RBMS3: variants seen among roughly 807,000 people sequenced by gnomAD.
The protein encoded by RBMS3 is RNA-binding motif, single-stranded-interacting protein 3.
In RBMS3, 27 loss-of-function variants were observed where a neutral mutation model predicts 66.8. The observed-to-expected ratio is 0.40, with a 90% confidence interval of 0.30 to 0.56. RBMS3 has a LOEUF of 0.56. Ranked by LOEUF, RBMS3 falls within the 20% of genes least tolerant of loss-of-function variation. The probability of loss-of-function intolerance (pLI) is 0.40; values close to 1 mark genes in which losing one functional copy is unlikely to be tolerated. For missense variants in RBMS3, 513 were observed against 549.5 expected, an observed-to-expected ratio of 0.93 and a Z score of 0.66; for synonymous variants, 188 against 183.0, an observed-to-expected ratio of 1.03 and a Z score of -0.22.
chr3:29,333,509 G>T (rs139571268), intron 1 of RBMS3, among the ~76,000 whole-genome samples: 22 of 152,260 alleles, frequency 1.4e-4, no homozygotes, highest in Admixed American at 8.5e-4. Context: ...TGAGGGAAAA[G>T]TAAAACAGAA....
At chr3:29,887,476 C>T (rs2059899551) in intron 8 of RBMS3, among the ~76,000 whole-genome samples, 1 of 151,732 alleles carries the variant, frequency 6.6e-6, no homozygotes, top group African/African-American at 2.4e-5. Flanking sequence ...GGCACTGATT[C>T]CTTCCTGCTG....
chr3:29,311,761 T>G (rs1185169533), intron 1 of RBMS3, among the ~76,000 whole-genome samples: 1 of 151,730 alleles, frequency 6.6e-6, no homozygotes, highest in Non-Finnish European at 1.5e-5. Context: ...AAGAGAAGAT[T>G]AGGGGGATTG....
chr3:29,459,002 GA>G (rs1209230466), intron 2 of RBMS3, among the ~76,000 whole-genome samples: 1 of 152,144 alleles, frequency 6.6e-6, no homozygotes, highest in Non-Finnish European at 1.5e-5. Flanking sequence ...GAAATCAAAT[GA>G]AACAGCAATC....
intron 4 of RBMS3, among the ~76,000 whole-genome samples, chr3:29,654,598 A>G (rs1317948814): frequency 7.9e-6 from 1 of 126,180 alleles, no homozygotes; most frequent in Non-Finnish European, 1.7e-5. Flanking sequence ...TGACTTTTAA[A>G]CTTTTTTTTT....
intron 1 of RBMS3, among the ~76,000 whole-genome samples, chr3:29,359,988 A>G (rs2037467553): frequency 6.6e-6 from 1 of 151,952 alleles, no homozygotes; most frequent in Non-Finnish European, 1.5e-5. Flanking sequence ...TGATCTTTTC[A>G]AAAAACCAGC....
At chr3:29,897,518 A>G (rs777794191) in intron 9 of RBMS3, 43 bp downstream of exon 9, 1 of 1,553,356 alleles carries the variant, frequency 6.4e-7, no homozygotes. Context: ...TCTTTCTTGC[A>G]GTAATACAGT....
intron 1 of RBMS3, among the ~76,000 whole-genome samples, chr3:29,380,763 A>G (rs988008037): frequency 6.6e-6 from 1 of 152,200 alleles, no homozygotes; most frequent in Non-Finnish European, 1.5e-5. Flanking sequence ...TCACTAGTCT[A>G]TGATAAATAC....
chr3:29,476,037 TC>T (rs1003854651), intron 2 of RBMS3, among the ~76,000 whole-genome samples: 2 of 152,010 alleles, frequency 1.3e-5, no homozygotes, highest in African/African-American at 4.8e-5. Context: ...ATGTAAAACA[TC>T]CCCCACTGAC....
At chr3:29,492,910 C>T (rs1402648941) in intron 3 of RBMS3, among the ~76,000 whole-genome samples, 3 of 152,142 alleles carry the variant, frequency 2.0e-5, no homozygotes, top group African/African-American at 4.8e-5. Context: ...CTGGTTCATC[C>T]ATTCTTCATT....
intron 1 of RBMS3, among the ~76,000 whole-genome samples, chr3:29,283,414 C>T (rs1298535273): frequency 6.6e-6 from 1 of 152,028 alleles, no homozygotes; most frequent in Admixed American, 6.6e-5. Flanking sequence ...ATGTTATGCA[C>T]ATTTTTTCAA....
intron 1 of RBMS3, among the ~76,000 whole-genome samples, chr3:29,302,294 G>A (rs919524113): frequency 6.6e-6 from 1 of 151,986 alleles, no homozygotes; most frequent in African/African-American, 2.4e-5. Context: ...TTACAGGCGT[G>A]AGCTACAGTG....
intron 6 of RBMS3, among the ~76,000 whole-genome samples, chr3:29,822,579 AT>A (rs2058101068): frequency 6.6e-6 from 1 of 152,160 alleles, no homozygotes; most frequent in Admixed American, 6.6e-5. Flanking sequence ...TCCACTCTCT[AT>A]TTGATGTGTC....
chr3:29,666,594 A>C (rs2050769110), intron 4 of RBMS3, among the ~76,000 whole-genome samples: 1 of 151,210 alleles, frequency 6.6e-6, no homozygotes, highest in African/African-American at 2.4e-5. Flanking sequence ...AATGGAGGGA[A>C]TGGCACATAC....
chr3:29,795,415 G>A (rs1314101336), intron 6 of RBMS3, among the ~76,000 whole-genome samples: 1 of 152,136 alleles, frequency 6.6e-6, no homozygotes, highest in East Asian at 1.9e-4. Context: ...TGACTAGCAA[G>A]ACAAAATACA....
At chr3:29,651,697 T>C (rs558556865) in intron 4 of RBMS3, among the ~76,000 whole-genome samples, 14 of 152,284 alleles carry the variant, frequency 9.2e-5, no homozygotes, top group African/African-American at 3.4e-4. Flanking sequence ...TCGTTCATTA[T>C]CCATCAGTAG....
chr3:29,942,474 G>C (rs1003400111), intron 11 of RBMS3, among the ~76,000 whole-genome samples: 3 of 151,926 alleles, frequency 2.0e-5, no homozygotes, highest in South Asian at 4.1e-4. Flanking sequence ...AGTGAGCTAT[G>C]ATTGTGCCAC....
At chr3:29,811,835 T>C (rs2057737982) in intron 6 of RBMS3, among the ~76,000 whole-genome samples, 4 of 152,160 alleles carry the variant, frequency 2.6e-5, no homozygotes, top group Admixed American at 1.3e-4. Flanking sequence ...TGCATTGATT[T>C]GGAGTTAGGT....
chr3:29,392,159 A>C (rs2039329058), intron 1 of RBMS3, among the ~76,000 whole-genome samples: 1 of 152,204 alleles, frequency 6.6e-6, no homozygotes, highest in South Asian at 2.1e-4. Context: ...CTGAGGCATG[A>C]GAATCACTTG....
chr3:29,329,782 A>G lies in RBMS3; in HGVS notation c.75+48026A>G, dbSNP rs542921452. 4.7e-5 allele frequency among the ~76,000 whole-genome samples: 7 copies of G among 149,828 alleles called. No individual in the cohort carries two copies. In the South Asian group the frequency reaches 1.5e-3, roughly 31 times the overall value. On this transcript the variant is annotated intron_variant, in intron 1 of 14. Transcript: ENST00000383767. ...AATTTTTGTTCCTGACATGGAAAAA[A>G]TCATGTGAAAAATTTTTATAGATTA... is the stretch of plus-strand genomic sequence containing the variant.
Sources: allele counts gnomAD v4.1 joint callset (sites outside exome capture counted in the v4.1 genomes callset), GRCh38; gene constraint gnomAD v4.1.1; transcripts MANE v1.5; gene names NCBI Gene and HGNC (gene_info 2026-07-23, HGNC 2026-07-21).